The following GALNT9 variants were observed in gnomAD, a reference collection of about 807,000 sequenced individuals.
GALNT9 encodes the protein GalNAc transferase 9.
Under a neutral mutation model 63.1 loss-of-function variants are expected in GALNT9, and 47 were observed. The ratio of observed to expected loss-of-function variants is 0.75; its 90% CI spans 0.59 to 0.95. The LOEUF (loss-of-function observed/expected upper bound fraction) is 0.95. GALNT9 is among the 40% of genes least tolerant of loss of function. GALNT9 has a pLI of 0.00. For synonymous variants in GALNT9, 396 were observed against 365.7 expected, an observed-to-expected ratio of 1.08 and a Z score of -0.94; for missense variants, 829 against 874.8, an observed-to-expected ratio of 0.95 and a Z score of 0.66.
chr12:132,203,082 G>A (rs1280753988), intron 7 of GALNT9, among the ~76,000 whole-genome samples: 4 of 152,130 alleles, frequency 2.6e-5, no homozygotes, highest in East Asian at 1.9e-4. Context: ...CGTATGAGCC[G>A]TTCATGAAAC....
chr12:132,243,447 G>T (rs1467638292), intron 6 of GALNT9, among the ~76,000 whole-genome samples: 6 of 152,304 alleles, frequency 3.9e-5, no homozygotes, highest in Non-Finnish European at 8.8e-5. Flanking sequence ...TCTCTCTCTG[G>T]TGGGGGCCCC....
intron 6 of GALNT9, among the ~76,000 whole-genome samples, chr12:132,207,137 GT>G (rs796797522): frequency 7.2e-5 from 11 of 152,312 alleles, no homozygotes; most frequent in African/African-American, 2.6e-4. Flanking sequence ...CCTCCATCCT[GT>G]TTAGAGCCGC....
chr12:132,325,787 C>T (rs1375596385), intron 1 of GALNT9, among the ~76,000 whole-genome samples: 3 of 152,230 alleles, frequency 2.0e-5, no homozygotes, highest in Admixed American at 1.3e-4. Context: ...TTAGAAACAA[C>T]CTCCCTCACA....
chr12:132,324,374 T>C (rs1555246363), intron 1 of GALNT9, among the ~76,000 whole-genome samples: 2 of 152,204 alleles, frequency 1.3e-5, no homozygotes, highest in East Asian at 3.9e-4. Context: ...CGGCGCTGTC[T>C]GTGAGCTCCT....
At chr12:132,305,988 C>T (rs947329996) in intron 1 of GALNT9, among the ~76,000 whole-genome samples, 11 of 152,078 alleles carry the variant, frequency 7.2e-5, no homozygotes, top group African/African-American at 9.7e-5. Flanking sequence ...GGGCTCACGG[C>T]GGGGCCCACC....
chr12:132,208,395 T>G (rs1010550358), intron 6 of GALNT9, among the ~76,000 whole-genome samples: 1 of 152,220 alleles, frequency 6.6e-6, no homozygotes, highest in Non-Finnish European at 1.5e-5. Flanking sequence ...GGACTCGCCT[T>G]CTGGCGTCTG....
Position 132,286,425 on chromosome 12 carries a change from C to T in GALNT9, c.244G>A (p.Ala82Thr). 6.5e-7 allele frequency: 1 copy of T among 1,549,490 alleles called. No individual in the cohort carries two copies. The highest frequency in any genetic ancestry group is 8.7e-7 in the Non-Finnish European group (1 of 1,146,400). ...CCCTCCACCAGGCCGATGGGCTTGG[C>T]AAGGCCTGGGGGAAAGGAAGAGAGG... ...EVVYNQLNGL[A>T]KPIGLVEGPG... The change falls in exon 2 of 11, where the codon GCC (alanine) becomes ACC (threonine). Residue 82 changes from alanine (A) to threonine (T), a missense_variant. Coordinates refer to ENST00000328957, the MANE Select transcript of GALNT9 (RefSeq NM_001122636.2). This position sits in a 1 kb window ranked among gnomAD's most constrained non-coding sequence, Gnocchi z 7.4.
chr12:132,213,394 G>A (rs1289546122), intron 6 of GALNT9, among the ~76,000 whole-genome samples: 1 of 152,022 alleles, frequency 6.6e-6, no homozygotes, highest in East Asian at 1.9e-4. Flanking sequence ...ACATGAAAAT[G>A]CACCGCAGAT....
chr12:132,239,134 G>A (rs1234559150), intron 6 of GALNT9, among the ~76,000 whole-genome samples: 1 of 151,954 alleles, frequency 6.6e-6, no homozygotes, highest in Non-Finnish European at 1.5e-5. Context: ...CTTCATGTGG[G>A]GGTGGGGGCC....
chr12:132,202,264 A>G (rs1353984707), intron 7 of GALNT9, among the ~76,000 whole-genome samples: 1 of 152,138 alleles, frequency 6.6e-6, no homozygotes, highest in East Asian at 1.9e-4. Flanking sequence ...TTGCCCACAC[A>G]CTTGGGGAGG....
intron 1 of GALNT9, among the ~76,000 whole-genome samples, chr12:132,301,656 C>A (rs1555243846): frequency 5.9e-5 from 9 of 152,242 alleles, no homozygotes. Flanking sequence ...GTTGAACCAG[C>A]CCTTGGAGGA....
intron 6 of GALNT9, among the ~76,000 whole-genome samples, chr12:132,228,008 C>T (rs995999949): frequency 2.0e-5 from 3 of 152,088 alleles, no homozygotes; most frequent in Admixed American, 6.6e-5. Flanking sequence ...GTGAGTGGCC[C>T]GTCTTGTAGC....
intron 8 of GALNT9, 21 bp from the exon 9 acceptor site, chr12:132,199,290 A>T: frequency 1.9e-6 from 3 of 1,556,426 alleles, no homozygotes; most frequent in Non-Finnish European, 2.6e-6. Context: ...AAGCCCCAGG[A>T]GAAAGTCCAG....
At chr12:132,237,910 C>T (rs2136895688) in intron 6 of GALNT9, among the ~76,000 whole-genome samples, 13 of 152,108 alleles carry the variant, frequency 8.5e-5, no homozygotes, top group African/African-American at 2.2e-4. Context: ...GAGGGACCCC[C>T]GTGCCAGGCC....
At chr12:132,257,344 GC>G in intron 5 of GALNT9, among the ~76,000 whole-genome samples, 1 of 152,196 alleles carries the variant, frequency 6.6e-6, no homozygotes, top group South Asian at 2.1e-4. Flanking sequence ...TTATGGCAAA[GC>G]CCAGGGGCCC....
Position 132,245,959 on chromosome 12 carries a change from G to T in GALNT9, c.1077+1951C>A, listed in dbSNP as rs941615419. Among the ~76,000 whole-genome samples, 1 of 152,038 alleles carries T rather than the reference G, an allele frequency of 6.6e-6. No homozygotes were observed. Among genetic ancestry groups the T allele is most frequent in the Admixed American group, 6.6e-5 (1 of 15,264 alleles). ...GCTCTTCGGCCTCGGTGGTGGCTGC[G>T]CACTGCCGGTCCCCGGCACCCTCCC... is the stretch of plus-strand genomic sequence containing the variant. On this transcript the variant is annotated intron_variant, in intron 6 of 10. Transcript: ENST00000328957. This position sits in a 1 kb window ranked among gnomAD's most constrained non-coding sequence, Gnocchi z 6.3.
At chr12:132,299,956 A>G (rs1447993460) in intron 1 of GALNT9, among the ~76,000 whole-genome samples, 1 of 147,100 alleles carries the variant, frequency 6.8e-6, no homozygotes, top group Non-Finnish European at 1.5e-5. Context: ...TCCCATGATA[A>G]CTAACCCACT....
intron 6 of GALNT9, among the ~76,000 whole-genome samples, chr12:132,228,387 T>A (rs1279695158): frequency 7.1e-6 from 1 of 140,744 alleles, no homozygotes; most frequent in Non-Finnish European, 1.6e-5. Context: ...GATACCTCTT[T>A]GCCTCTGGCG....
chr12:132,270,417 C>T (rs1291973781), intron 2 of GALNT9, among the ~76,000 whole-genome samples: 2 of 152,228 alleles, frequency 1.3e-5, no homozygotes, highest in African/African-American at 4.8e-5. Flanking sequence ...GCCTGGAGTA[C>T]CCAGCAGGTG....
Sources: gnomAD v4.1 joint callset for allele counts (sites outside exome capture counted in the v4.1 genomes callset) on GRCh38, gnomAD v4.1.1 for gene constraint, Gnocchi (gnomAD v3.1) non-coding constraint, MANE v1.5 for transcripts, NCBI Gene and HGNC (gene_info 2026-07-23, HGNC 2026-07-21) for gene names.